COL23A1: variants seen among roughly 807,000 people sequenced by gnomAD.
COL23A1 encodes the protein collagen type XXIII alpha 1 chain.
COL23A1 carries 97 observed loss-of-function variants against 99.3 expected under a neutral mutation model. The observed-to-expected ratio is 0.98, with a 90% CI of 0.83 to 1.16. The LOEUF (loss-of-function observed/expected upper bound fraction) is 1.16. Ranked by LOEUF, COL23A1 falls within the 50% of genes most tolerant of loss-of-function variation. The probability of loss-of-function intolerance (pLI) is 0.00; values close to 1 mark genes in which losing one functional copy is unlikely to be tolerated. For synonymous variants in COL23A1, 320 were observed against 308.2 expected (o/e 1.04, Z -0.40); for missense variants, 762 against 757.4 (o/e 1.01, Z -0.07).
intron 2 of COL23A1, among the ~76,000 whole-genome samples, chr5:178,513,925 C>T (rs573375651): frequency 6.6e-6 from 1 of 152,130 alleles, no homozygotes; most frequent in South Asian, 2.1e-4. Flanking sequence ...GCCATCTTAC[C>T]CATTTATAAT....
At chr5:178,286,543 C>T (rs116971159) in intron 5 of COL23A1, among the ~76,000 whole-genome samples, 10 of 152,204 alleles carry the variant, frequency 6.6e-5, no homozygotes, top group Non-Finnish European at 1.2e-4. Context: ...GCCTGGCTCG[C>T]GTTCTGGGTG....
chr5:178,320,171 T>C (rs1419506029), intron 2 of COL23A1, among the ~76,000 whole-genome samples: 1 of 152,276 alleles, frequency 6.6e-6, no homozygotes, highest in Non-Finnish European at 1.5e-5. Flanking sequence ...TAGCTTATTC[T>C]ATGTGCTTTT....
At chr5:178,398,296 T>C (rs1034565963) in intron 2 of COL23A1, among the ~76,000 whole-genome samples, 1 of 152,180 alleles carries the variant, frequency 6.6e-6, no homozygotes, top group African/African-American at 2.4e-5. Context: ...ATTTGTAAAA[T>C]AACTCCAAAG....
intron 2 of COL23A1, among the ~76,000 whole-genome samples, chr5:178,517,113 G>C (rs978047146): frequency 6.6e-6 from 1 of 152,172 alleles, no homozygotes; most frequent in African/African-American, 2.4e-5. Flanking sequence ...CCAAGAAACA[G>C]ACAGAAGTGC....
In COL23A1 at chr5:178,439,852, A is replaced by C. The variant is rs1766762849; in HGVS notation, c.361+120830T>G. 6.6e-6 allele frequency: 1 copy of C among 152,262 alleles called. No individual in the cohort carries two copies. The allele number at this position is 152,262 out of a possible 1,614,324, so 9.4% of individuals were successfully genotyped here. A position where few individuals can be genotyped will look rare whatever the true frequency, so the allele number is the denominator to read the frequency against. On this transcript the variant is annotated intron_variant, in intron 2 of 28. Transcript: ENST00000390654. This position sits in a 1 kb window ranked among gnomAD's most constrained non-coding sequence, Gnocchi z 4.2. The stretch of plus-strand genomic sequence containing the variant: ...CTACAGTGTAGCCAATCAATGGAAT[A>C]CCACTACATGCTACAACATGGATGA...
intron 2 of COL23A1, among the ~76,000 whole-genome samples, chr5:178,417,457 G>A (rs969063021): frequency 1.3e-5 from 2 of 152,080 alleles, no homozygotes; most frequent in East Asian, 1.9e-4. Context: ...CTGTGCTTCC[G>A]ATCACTGCCC....
At chr5:178,246,076 AC>A in intron 24 of COL23A1, 108 bp from the exon 25 acceptor site, 1 of 1,378,394 alleles carries the variant, frequency 7.3e-7, no homozygotes, top group Non-Finnish European at 1.0e-6. Flanking sequence ...GGGCAAGGAG[AC>A]CCACCAACCA....
chr5:178,246,882 A>C lies in COL23A1; in HGVS notation c.1297-429T>G, dbSNP rs1477093815. Among the ~76,000 whole-genome samples, 42 of 152,334 alleles carry C rather than the reference A, an allele frequency of 2.8e-4. 1 individual carries two copies. The highest frequency in any genetic ancestry group is 2.9e-5 in the Non-Finnish European group (2 of 68,034). ...CTTAAGAGAAAGCAGAACCAGAAGC[A>C]GAGCACCTGGTGGGGCTGCAGGCTC... On this transcript the variant is annotated intron_variant, in intron 22 of 28. Coordinates refer to ENST00000390654, the MANE Select transcript of COL23A1 (RefSeq NM_173465.4).
intron 1 of COL23A1, among the ~76,000 whole-genome samples, chr5:178,572,444 CA>C (rs142445087): frequency 2.7e-5 from 4 of 150,254 alleles, no homozygotes; most frequent in East Asian, 3.9e-4. Flanking sequence ...CAAGCACACA[CA>C]AAAAAAAATC....
intron 2 of COL23A1, among the ~76,000 whole-genome samples, chr5:178,414,282 T>A (rs919732610): frequency 8.5e-5 from 13 of 152,140 alleles, no homozygotes; most frequent in African/African-American, 3.1e-4. Flanking sequence ...TGCTGGCAGA[T>A]GATTTATCTA....
chr5:178,248,342 A>C, intron 19 of COL23A1, 88 bp from the exon 20 acceptor site: 21 of 976,070 alleles, frequency 2.2e-5, no homozygotes, highest in Middle Eastern at 2.2e-4. Flanking sequence ...TCCTTCCCCC[A>C]TGTGGCTCCT....
intron 2 of COL23A1, among the ~76,000 whole-genome samples, chr5:178,488,499 C>G (rs1370460866): frequency 3.3e-5 from 5 of 152,108 alleles, no homozygotes; most frequent in Non-Finnish European, 5.9e-5. Flanking sequence ...CCCTCACCGC[C>G]ACCGCCATCA....
chr5:178,246,498 A>G lies in COL23A1; in HGVS notation c.1297-45T>C, dbSNP rs866612411. The G allele has an allele frequency of 1.9e-6, 3 of 1,539,618 alleles. No individual in the cohort carries two copies. In the Middle Eastern group the frequency reaches 6.1e-4, roughly 311 times the overall value. On this transcript the variant is annotated intron_variant, in intron 22 of 28. Transcript: ENST00000390654. ...ATCAGTCAAGGGGAAGGGGTTAGAC[A>G]GACAGTAGGACAGGCAAGCTTGGAG... is the stretch of plus-strand genomic sequence containing the variant.
intron 17 of COL23A1, 92 bp downstream of exon 17, chr5:178,252,452 G>T: frequency 8.0e-7 from 1 of 1,245,916 alleles, no homozygotes. Context: ...CACCCGGAGG[G>T]AAGTGGAACA....
At chr5:178,260,763 C>T (rs1765582039) in intron 11 of COL23A1, among the ~76,000 whole-genome samples, 1 of 152,092 alleles carries the variant, frequency 6.6e-6, no homozygotes, top group Admixed American at 6.5e-5. Context: ...CATTGCACTC[C>T]AGCCTGGGCG....
chr5:178,491,807 T>A (rs912431181), intron 2 of COL23A1, among the ~76,000 whole-genome samples: 2 of 152,192 alleles, frequency 1.3e-5, no homozygotes, highest in Non-Finnish European at 2.9e-5. Context: ...CCATCTTGGC[T>A]CATAGCAACC....
chr5:178,515,686 C>T (rs1041578490), intron 2 of COL23A1, among the ~76,000 whole-genome samples: 14 of 152,282 alleles, frequency 9.2e-5, no homozygotes, highest in African/African-American at 3.1e-4. Flanking sequence ...GACCCTAGGT[C>T]TACATCTGTC....
intron 7 of COL23A1, among the ~76,000 whole-genome samples, chr5:178,267,984 G>T (rs1755999898): frequency 6.6e-6 from 1 of 152,238 alleles, no homozygotes; most frequent in South Asian, 2.1e-4. Context: ...TGGTGGAGCT[G>T]GAATGCAAAG....
In COL23A1 at chr5:178,404,413, A is replaced by C. The variant is rs543548704; in HGVS notation, c.362-97494T>G. On this transcript the variant is annotated intron_variant, in intron 2 of 28. Coordinates refer to ENST00000390654, the MANE Select transcript of COL23A1 (RefSeq NM_173465.4). The stretch of plus-strand genomic sequence containing the variant: ...AGTGCTGCTGGGCAGGGCACACTTC[A>C]TGCAGGAGGAGATTCTTGAGCTGTG... Among the ~76,000 whole-genome samples, 29 of 152,326 alleles carry C rather than the reference A, an allele frequency of 1.9e-4. 1 individual carries two copies. The South Asian group carries it at 5.4e-3, about 28-fold the overall frequency.
Sources: gnomAD v4.1 joint callset for allele counts (sites outside exome capture counted in the v4.1 genomes callset) on GRCh38, gnomAD v4.1.1 for gene constraint, Gnocchi (gnomAD v3.1) non-coding constraint, MANE v1.5 for transcripts, NCBI Gene and HGNC (gene_info 2026-07-23, HGNC 2026-07-21) for gene names.